Variants in PRICKLE1 observed in about 807,000 individuals in gnomAD.
PRICKLE1 encodes the protein prickle-like protein 1.
In PRICKLE1, 14 loss-of-function variants were observed where a neutral mutation model predicts 70.2. The ratio of observed to expected loss-of-function variants is 0.20; its 90% CI spans 0.13 to 0.31. PRICKLE1 has a LOEUF of 0.31. Among genes scored for constraint, PRICKLE1 ranks in the 10% least tolerant of loss-of-function variants. The probability of loss-of-function intolerance (pLI) is 1.00; values close to 1 mark genes in which losing one functional copy is unlikely to be tolerated. For missense variants in PRICKLE1, 821 were observed against 1,026.2 expected (o/e 0.80, Z 2.73); for synonymous variants, 357 against 379.9 (o/e 0.94, Z 0.70).
intron 1 of PRICKLE1, among the ~76,000 whole-genome samples, chr12:42,520,746 A>C (rs956988846): frequency 6.6e-6 from 1 of 152,228 alleles, no homozygotes; most frequent in African/African-American, 2.4e-5. Context: ...CTAGCAATAC[A>C]GTGAGGTGTT....
At chr12:42,481,931 T>G (rs1938808248) in intron 1 of PRICKLE1, among the ~76,000 whole-genome samples, 1 of 152,260 alleles carries the variant, frequency 6.6e-6, no homozygotes, top group African/African-American at 2.4e-5. Flanking sequence ...CCCAATTCAA[T>G]TTCACTTATT....
intron 1 of PRICKLE1, among the ~76,000 whole-genome samples, chr12:42,582,416 T>C (rs1940917150): frequency 6.6e-6 from 1 of 152,224 alleles, no homozygotes; most frequent in Non-Finnish European, 1.5e-5. Context: ...CTATGAAGCA[T>C]ATGTATTCTC....
At chr12:42,578,199 C>A (rs886145573) in intron 1 of PRICKLE1, among the ~76,000 whole-genome samples, 1 of 152,098 alleles carries the variant, frequency 6.6e-6, no homozygotes, top group Admixed American at 6.6e-5. Context: ...CTCTGGAACT[C>A]GAGACATTAA....
chr12:42,581,785 C>G (rs1331853461), intron 1 of PRICKLE1, among the ~76,000 whole-genome samples: 3 of 151,638 alleles, frequency 2.0e-5, no homozygotes, highest in Admixed American at 6.6e-5. Context: ...AGCAAAGAAG[C>G]CAGTGTCCAC....
chr12:42,504,888 A>G (rs1939379789), intron 1 of PRICKLE1, among the ~76,000 whole-genome samples: 1 of 152,142 alleles, frequency 6.6e-6, no homozygotes. Flanking sequence ...CATGCCTGTA[A>G]TCTAGCACTT....
chr12:42,538,385 T>C (rs540555702), intron 1 of PRICKLE1, among the ~76,000 whole-genome samples: 2 of 152,246 alleles, frequency 1.3e-5, no homozygotes, highest in Admixed American at 6.5e-5. Context: ...AAAAACACAG[T>C]GCTTGTATTG....
At chr12:42,569,621 T>C (rs368128515) in intron 1 of PRICKLE1, among the ~76,000 whole-genome samples, 9 of 152,242 alleles carry the variant, frequency 5.9e-5, no homozygotes, top group East Asian at 3.8e-4. Context: ...AGGAAATCGA[T>C]TGTACTGTTT....
chr12:42,529,892 A>G (rs1939877489), intron 1 of PRICKLE1, among the ~76,000 whole-genome samples: 3 of 152,086 alleles, frequency 2.0e-5, no homozygotes, highest in Admixed American at 2.0e-4. Flanking sequence ...CCTTATCAAA[A>G]AAAAAGGAAA....
chr12:42,527,641 G>C (rs1468917457), intron 1 of PRICKLE1, among the ~76,000 whole-genome samples: 2 of 152,112 alleles, frequency 1.3e-5, no homozygotes, highest in African/African-American at 4.8e-5. Context: ...CTTAACAAAT[G>C]CTTGTCCATT....
intron 1 of PRICKLE1, among the ~76,000 whole-genome samples, chr12:42,528,765 C>T (rs751532830): frequency 4.6e-5 from 7 of 152,150 alleles, no homozygotes; most frequent in Non-Finnish European, 1.0e-4. Flanking sequence ...CAAAAAATAT[C>T]CACTGACTGA....
chr12:42,524,593 G>C (rs1939769601), intron 1 of PRICKLE1, among the ~76,000 whole-genome samples: 1 of 151,772 alleles, frequency 6.6e-6, no homozygotes, highest in Non-Finnish European at 1.5e-5. Context: ...TGTATTTTTA[G>C]TAGAGATGGG....
chr12:42,580,621 T>C (rs1592045035), intron 1 of PRICKLE1, among the ~76,000 whole-genome samples: 1 of 152,180 alleles, frequency 6.6e-6, no homozygotes, highest in South Asian at 2.1e-4. Flanking sequence ...CATAACAGTA[T>C]ATATATTTTT....
At chr12:42,505,706 G>A (rs930569103) in intron 1 of PRICKLE1, among the ~76,000 whole-genome samples, 8 of 152,296 alleles carry the variant, frequency 5.3e-5, no homozygotes, top group Non-Finnish European at 8.8e-5. Context: ...AAAATACTGG[G>A]ATTACAGGTG....
chr12:42,470,451 G>C (rs1938275953), intron 2 of PRICKLE1, 92 bp from the exon 3 acceptor site: 1 of 897,756 alleles, frequency 1.1e-6, no homozygotes, highest in East Asian at 2.5e-5. Flanking sequence ...CTAGGTACAG[G>C]GTTTGGCCTC....
chr12:42,459,841 C>T lies in PRICKLE1; in HGVS notation c.2464G>A (p.Gly822Arg). The change falls in exon 8 of 8, where the codon GGA becomes AGA. Residue 822 changes from glycine to arginine, a missense_variant. By Grantham distance (125) the Gly-to-Arg change is moderately radical. Transcript: ENST00000345127. ...QRTTKSKKKK[G>R]HKGKNCIIS ...ATAATACAATTTTTGCCCTTGTGTC[C>T]CTTTTTCTTCTTGGATTTTGTTGTC... is the stretch of plus-strand genomic sequence containing the variant. 1 of 1,614,094 alleles carries T rather than the reference C, an allele frequency of 6.2e-7. No individual in the cohort carries two copies. The highest frequency in any genetic ancestry group is 1.1e-5 in the South Asian group (1 of 91,080).
At chr12:42,537,385 G>A (rs112471490) in intron 1 of PRICKLE1, among the ~76,000 whole-genome samples, 4,976 of 151,976 alleles carry the variant, frequency 0.033, 275 homozygotes, top group African/African-American at 0.11. Flanking sequence ...GGCTGGTCTC[G>A]AACTCCTGGG....
intron 1 of PRICKLE1, among the ~76,000 whole-genome samples, chr12:42,529,582 T>C (rs1335017195): frequency 5.3e-5 from 8 of 152,176 alleles, no homozygotes; most frequent in Non-Finnish European, 1.2e-4. Context: ...GCAGGGTTGA[T>C]TTTTCAAATT....
At chr12:42,485,322 T>C (rs1168648753) in intron 1 of PRICKLE1, 1 of 147,842 alleles carries the variant, frequency 6.8e-6, no homozygotes, top group Non-Finnish European at 1.5e-5. Context: ...GCTGGTAGAC[T>C]AGTTTGGAAA....
At chr12:42,479,438 G>C (rs1311397898) in intron 1 of PRICKLE1, among the ~76,000 whole-genome samples, 1 of 152,206 alleles carries the variant, frequency 6.6e-6, no homozygotes, top group Non-Finnish European at 1.5e-5. Context: ...AGTGGTCTAT[G>C]GAGCATGACA....
Sources: allele counts gnomAD v4.1 joint callset (sites outside exome capture counted in the v4.1 genomes callset), GRCh38; gene constraint gnomAD v4.1.1; transcripts MANE v1.5; gene names NCBI Gene and HGNC (gene_info 2026-07-23, HGNC 2026-07-21).